Variants in SPAM1 observed in about 807,000 individuals in gnomAD.
SPAM1 encodes the protein sperm adhesion molecule 1, also known as hyaluronidase PH-20.
In SPAM1, 22 loss-of-function variants were observed where a neutral mutation model predicts 29.6. The observed-to-expected ratio is 0.74, with a 90% confidence interval of 0.53 to 1.06. The LOEUF (loss-of-function observed/expected upper bound fraction) is 1.06. SPAM1 is among the 50% of genes least tolerant of loss of function. The pLI is 0.00. For synonymous variants in SPAM1, 194 were observed against 204.6 expected, an observed-to-expected ratio of 0.95 and a Z score of 0.44; for missense variants, 534 against 604.0, an observed-to-expected ratio of 0.88 and a Z score of 1.21.
rs780147908 is a variant in SPAM1 at position 123,954,384 on chromosome 7, G to A, written c.814G>A (p.Val272Ile). 2 of 1,613,408 alleles carry A rather than the reference G, an allele frequency of 1.2e-6. No individual in the cohort carries two copies. The highest frequency in any genetic ancestry group is 1.3e-5 in the African/African-American group (1 of 74,874). ...SIYLNTQQSP[V>I]AATLYVRNRV... ...TTATTTGAACACTCAGCAGTCTCCT[G>A]TAGCTGCTACACTCTATGTGCGCAA... Residue 272 changes from valine to isoleucine, a missense_variant, in exon 3 of 5, where the codon GTA becomes ATA. Physicochemically the swap from Val to Ile is conservative, Grantham distance 29. Transcript: ENST00000682466.
intron 1 of SPAM1, among the ~76,000 whole-genome samples, chr7:123,938,716 A>C (rs1686960514): frequency 6.6e-6 from 1 of 152,236 alleles, no homozygotes; most frequent in African/African-American, 2.4e-5. Context: ...TGACTGGTCG[A>C]GAGAAGAGAA....
exon 6 of SPAM1, chr7:123,970,232 G>C (rs983313425): frequency 6.5e-7 from 1 of 1,549,056 alleles, no homozygotes; most frequent in African/African-American, 1.4e-5. Flanking sequence ...GGTATTAGCA[G>C]AATTGGTTTC....
intron 2 of SPAM1, among the ~76,000 whole-genome samples, chr7:123,950,343 C>T (rs1354679408): frequency 6.6e-6 from 1 of 151,890 alleles, no homozygotes; most frequent in African/African-American, 2.4e-5. Flanking sequence ...AGGGTTTGGG[C>T]TTCTAGTGTA....
At position 123,959,650 on chromosome 7, in the gene SPAM1, A is replaced by C. The variant is rs1335614805; in HGVS notation, c.1211A>C (p.Asn404Thr). ...GACTATCTTCACCTCAACCCAGATA[A>C]TTTTGCTATTCAACTTGAGAAAGGT... ...SSDYLHLNPD[N>T]FAIQLEKGGK... Residue 404 changes from asparagine to threonine, a missense_variant, in exon 5 of 5, where the codon AAT (asparagine) becomes ACT (threonine). By Grantham distance (65) the Asn-to-Thr change is moderately conservative. Transcript: ENST00000682466. 1.2e-6 allele frequency: 2 copies of C among 1,613,202 alleles called. No individual in the cohort carries two copies.
chr7:123,947,727 A>T (rs2117049399), intron 1 of SPAM1: 1 of 152,220 alleles, frequency 6.6e-6, no homozygotes, highest in East Asian at 1.9e-4. Flanking sequence ...GAGCTAATAG[A>T]TTGGAGTGAC....
At chr7:123,931,035 G>A (rs1378803167) in intron 1 of SPAM1, among the ~76,000 whole-genome samples, 1 of 151,936 alleles carries the variant, frequency 6.6e-6, no homozygotes, top group Non-Finnish European at 1.5e-5. Context: ...AACTGCGTCT[G>A]CCATACTGAC....
In SPAM1 at chr7:123,959,929, G is replaced by A; in HGVS notation, c.1490G>A (p.Ser497Asn). ...STLSATMFIV[S>N]ILFLIISSVA... ...CTATCTGCCACAATGTTCATTGTTA[G>A]TATTTTGTTTCTTATCATTTCTTCT... Residue 497 changes from serine (S) to asparagine (N), a missense_variant, in exon 5 of 5, where the codon AGT becomes AAT. Transcript: ENST00000682466. 1 of 1,610,964 alleles carries A rather than the reference G, an allele frequency of 6.2e-7. No homozygotes were observed. Among genetic ancestry groups the A allele is most frequent in the East Asian group, 2.2e-5 (1 of 44,810 alleles).
chr7:123,952,218 T>A (rs943859445), intron 2 of SPAM1, among the ~76,000 whole-genome samples: 2 of 152,228 alleles, frequency 1.3e-5, no homozygotes, highest in Admixed American at 1.3e-4. Flanking sequence ...TGAGGGAAAA[T>A]TCATTATCTT....
At chr7:123,961,270 C>T (rs530771705), downstream of SPAM1, among the ~76,000 whole-genome samples, 3 of 151,998 alleles carry the variant, frequency 2.0e-5, no homozygotes, top group African/African-American at 4.8e-5. Context: ...ATTTATTCCT[C>T]CCCTTTAGCT....
chr7:123,948,897 G>A (rs550015319), intron 1 of SPAM1, among the ~76,000 whole-genome samples: 1 of 151,808 alleles, frequency 6.6e-6, no homozygotes, highest in Admixed American at 6.6e-5. Context: ...ATTCTCTAGA[G>A]AGAAAGCATT....
chr7:123,948,641 T>C (rs1808665410), intron 1 of SPAM1, among the ~76,000 whole-genome samples: 1 of 152,132 alleles, frequency 6.6e-6, no homozygotes, highest in African/African-American at 2.4e-5. Context: ...GGTAATGTTA[T>C]GGTTTGCTTT....
At chr7:123,961,512 T>A (rs1410183990), downstream of SPAM1, among the ~76,000 whole-genome samples, 3 of 151,986 alleles carry the variant, frequency 2.0e-5, no homozygotes, top group African/African-American at 7.2e-5. Flanking sequence ...ATTTTTCTTA[T>A]GACTGAGTAG....
chr7:123,940,089 GCTTA>G (rs1272234582), intron 1 of SPAM1, among the ~76,000 whole-genome samples: 1 of 151,756 alleles, frequency 6.6e-6, no homozygotes, highest in Non-Finnish European at 1.5e-5. Context: ...TGTAATTACT[GCTTA>G]CTTCTTTTTT....
At chr7:123,927,227 C>T (rs1807915994) in intron 1 of SPAM1, among the ~76,000 whole-genome samples, 1 of 152,154 alleles carries the variant, frequency 6.6e-6, no homozygotes, top group South Asian at 2.1e-4. Context: ...GCTTAGTCCT[C>T]ATATCCAAGA....
chr7:123,930,343 A>G (rs1808033559), intron 1 of SPAM1, among the ~76,000 whole-genome samples: 1 of 152,134 alleles, frequency 6.6e-6, no homozygotes, highest in South Asian at 2.1e-4. Flanking sequence ...AATCCAATAA[A>G]TCTTTTCATG....
chr7:123,939,466 C>T (rs928098045), intron 1 of SPAM1, among the ~76,000 whole-genome samples: 1 of 152,160 alleles, frequency 6.6e-6, no homozygotes, highest in Non-Finnish European at 1.5e-5. Flanking sequence ...ACATACTAGT[C>T]TTCTGAATAA....
intron 1 of SPAM1, among the ~76,000 whole-genome samples, chr7:123,948,738 AT>A (rs954639445): frequency 2.6e-4 from 39 of 152,214 alleles, no homozygotes; most frequent in African/African-American, 8.9e-4. Context: ...TATATTCAAA[AT>A]CTATAACAAT....
chr7:123,940,395 A>AT (rs1400899708), intron 1 of SPAM1, among the ~76,000 whole-genome samples: 3 of 151,132 alleles, frequency 2.0e-5, no homozygotes, highest in African/African-American at 4.9e-5. Flanking sequence ...TGTTATTCAC[A>AT]TTTTTTTCCC....
intron 1 of SPAM1, among the ~76,000 whole-genome samples, chr7:123,949,447 A>C (rs1346018129): frequency 2.6e-5 from 4 of 151,888 alleles, no homozygotes; most frequent in Admixed American, 2.6e-4. Flanking sequence ...ATTTTATTTC[A>C]CTTTGTATTT....
Sources: gnomAD v4.1 joint callset for allele counts (sites outside exome capture counted in the v4.1 genomes callset) on GRCh38, gnomAD v4.1.1 for gene constraint, MANE v1.5 for transcripts, NCBI Gene and HGNC (gene_info 2026-07-23, HGNC 2026-07-21) for gene names.